The following TUSC3 variants were observed in gnomAD, a reference collection of about 807,000 sequenced individuals.
TUSC3 encodes the protein tumor suppressor candidate 3.
Under a neutral mutation model 44.8 loss-of-function variants are expected in TUSC3, and 45 were observed. That is an observed-to-expected ratio of 1.00 (90% CI 0.79 to 1.29). The LOEUF (loss-of-function observed/expected upper bound fraction) is 1.29. Among genes scored for constraint, TUSC3 ranks in the 50% most tolerant of loss-of-function variants. The probability of loss-of-function intolerance (pLI) is 0.00; values close to 1 mark genes in which losing one functional copy is unlikely to be tolerated. For missense variants in TUSC3, 519 were observed against 437.9 expected (o/e 1.19, Z -1.65); for synonymous variants, 212 against 152.9 (o/e 1.39, Z -2.85).
intron 6 of TUSC3, among the ~76,000 whole-genome samples, chr8:15,713,587 C>T (rs1008164212): frequency 2.6e-5 from 4 of 152,096 alleles, no homozygotes; most frequent in African/African-American, 7.2e-5. Flanking sequence ...TACACACATC[C>T]GAGACCCAGG....
At chr8:15,562,328 C>T (rs1053552155) in intron 1 of TUSC3, among the ~76,000 whole-genome samples, 3 of 152,110 alleles carry the variant, frequency 2.0e-5, no homozygotes, top group African/African-American at 7.2e-5. Flanking sequence ...GCTAATAAAA[C>T]CGCTTCGCAA....
At chr8:15,469,932 T>C (rs745756884) in intron 1 of TUSC3, among the ~76,000 whole-genome samples, 1 of 152,040 alleles carries the variant, frequency 6.6e-6, no homozygotes, top group Non-Finnish European at 1.5e-5. Context: ...TATGACATTC[T>C]AGAAAAGGAA....
chr8:15,518,368 A>G (rs1213997758), intron 2 of TUSC3, among the ~76,000 whole-genome samples: 1 of 152,134 alleles, frequency 6.6e-6, no homozygotes, highest in Non-Finnish European at 1.5e-5. Context: ...TGATATTGGG[A>G]AAAAAGTTGA....
At chr8:15,519,019 T>G (rs1801258178) in intron 2 of TUSC3, among the ~76,000 whole-genome samples, 1 of 152,196 alleles carries the variant, frequency 6.6e-6, no homozygotes, top group Non-Finnish European at 1.5e-5. Context: ...TAGCATCTGC[T>G]TATACAACAA....
chr8:15,519,412 C>G (rs937159158), intron 2 of TUSC3, among the ~76,000 whole-genome samples: 4 of 152,058 alleles, frequency 2.6e-5, no homozygotes, highest in African/African-American at 9.7e-5. Context: ...TCACTTGAAG[C>G]TGTAACAGAT....
intron 2 of TUSC3, among the ~76,000 whole-genome samples, chr8:15,516,874 A>G (rs1379470140): frequency 6.6e-6 from 1 of 152,244 alleles, no homozygotes; most frequent in African/African-American, 2.4e-5. Flanking sequence ...TATAAATATT[A>G]GAATGTTCAT....
intron 6 of TUSC3, among the ~76,000 whole-genome samples, chr8:15,727,061 A>G (rs1210223244): frequency 6.6e-6 from 1 of 152,152 alleles, no homozygotes; most frequent in East Asian, 1.9e-4. Context: ...AATATCAGAG[A>G]GGAAAATAAA....
At chr8:15,444,073 C>T (rs1232012449) in intron 1 of TUSC3, among the ~76,000 whole-genome samples, 1 of 152,200 alleles carries the variant, frequency 6.6e-6, no homozygotes, top group East Asian at 1.9e-4. Flanking sequence ...GTATGAATTA[C>T]TCCTTCTCTA....
At chr8:15,702,877 T>A (rs1469830674) in intron 6 of TUSC3, among the ~76,000 whole-genome samples, 1 of 152,164 alleles carries the variant, frequency 6.6e-6, no homozygotes, top group Non-Finnish European at 1.5e-5. Flanking sequence ...GGTTTCAGCA[T>A]TGCTAGGCAT....
Position 15,457,288 on chromosome 8 carries a change from C to G in TUSC3, n.92-26098C>G, listed in dbSNP as rs143506660. Among the ~76,000 whole-genome samples the G allele has an allele frequency of 4.6e-5, 7 of 151,760 alleles. No homozygotes were observed. The East Asian group carries it at 1.4e-3, about 30-fold the overall frequency. On this transcript the variant is annotated intron_variant and non_coding_transcript_variant, in intron 1 of 5. Coordinates refer to the TUSC3 transcript ENST00000503191. ...ATATGTAACAAACCTGAACGTTGTG[C>G]ACAAGTACCCTAGAACTTAAAGTAT... is the stretch of plus-strand genomic sequence containing the variant.
intron 2 of TUSC3, among the ~76,000 whole-genome samples, chr8:15,647,026 C>T (rs1171741395): frequency 1.3e-5 from 2 of 152,104 alleles, no homozygotes; most frequent in Non-Finnish European, 2.9e-5. Flanking sequence ...CAGACATCTT[C>T]TTCCCCATCA....
intron 2 of TUSC3, among the ~76,000 whole-genome samples, chr8:15,500,663 C>A (rs1800949772): frequency 6.6e-6 from 1 of 152,106 alleles, no homozygotes; most frequent in Admixed American, 6.6e-5. Context: ...TTAAAACAAA[C>A]CCTAAAACAC....
chr8:15,491,109 CA>C (rs1261072002), intron 2 of TUSC3, among the ~76,000 whole-genome samples: 14 of 152,152 alleles, frequency 9.2e-5, no homozygotes, highest in African/African-American at 3.4e-4. Flanking sequence ...GTCTCGTGCT[CA>C]GTGAATCTGC....
intron 1 of TUSC3, among the ~76,000 whole-genome samples, chr8:15,566,302 A>C (rs552750028): frequency 1.3e-5 from 2 of 152,252 alleles, no homozygotes; most frequent in East Asian, 3.9e-4. Flanking sequence ...GTGTATGTTC[A>C]TCATCAGCTT....
At chr8:15,511,651 C>T (rs905205014) in intron 2 of TUSC3, among the ~76,000 whole-genome samples, 1 of 152,130 alleles carries the variant, frequency 6.6e-6, no homozygotes, top group Non-Finnish European at 1.5e-5. Context: ...GGGCAGATCA[C>T]TTGAGGTCAG....
chr8:15,812,854 G>C, the TUSC3 span, among the ~76,000 whole-genome samples: 48 of 152,282 alleles, frequency 3.2e-4, no homozygotes, highest in African/African-American at 1.1e-3. Flanking sequence ...CCAGCACTTT[G>C]GGAGGCCAAG....
At chr8:15,775,633 C>CAT in the TUSC3 span, among the ~76,000 whole-genome samples, 3,564 of 55,940 alleles carry the variant, frequency 0.064, 68 homozygotes, top group South Asian at 0.12. Flanking sequence ...TATACAGACA[C>CAT]ATATATATAT....
intron 1 of TUSC3, among the ~76,000 whole-genome samples, chr8:15,481,503 A>G (rs192062987): frequency 1.3e-5 from 2 of 152,252 alleles, no homozygotes; most frequent in African/African-American, 4.8e-5. Flanking sequence ...CTCAGCCTCA[A>G]GAACCATGAT....
chr8:15,659,795 A>G, intron 4 of TUSC3, 148 bp downstream of exon 4: 1 of 1,025,898 alleles, frequency 9.7e-7, no homozygotes, highest in East Asian at 2.5e-5. Flanking sequence ...GCAAATGATA[A>G]GTTGGACTAT....
Sources: gnomAD v4.1 joint callset for allele counts (sites outside exome capture counted in the v4.1 genomes callset) on GRCh38, gnomAD v4.1.1 for gene constraint, MANE v1.5 for transcripts, NCBI Gene and HGNC (gene_info 2026-07-23, HGNC 2026-07-21) for gene names.